Variants in CFAP92 observed in about 807,000 individuals in gnomAD.
The protein encoded by CFAP92 is cilia and flagella associated protein 92 (putative).
Under a neutral mutation model 106.3 loss-of-function variants are expected in CFAP92, and 86 were observed. The ratio of observed to expected loss-of-function variants is 0.81; its 90% CI spans 0.68 to 0.97. CFAP92 has a LOEUF of 0.97. Among genes scored for constraint, CFAP92 ranks in the 50% least tolerant of loss-of-function variants. The probability of loss-of-function intolerance (pLI) is 0.00; values close to 1 mark genes in which losing one functional copy is unlikely to be tolerated. For synonymous variants in CFAP92, 477 were observed against 506.4 expected (o/e 0.94, Z 0.78); for missense variants, 1,204 against 1,283.8 (o/e 0.94, Z 0.95).
chr3:129,026,353 T>C, the CFAP92 span, among the ~76,000 whole-genome samples: 2 of 152,190 alleles, frequency 1.3e-5, no homozygotes, highest in African/African-American at 4.8e-5. Context: ...TTAAATGATT[T>C]AGGGAATAGA....
At chr3:129,001,894 G>A (rs1444738110) in intron 1 of CFAP92, 2 of 1,538,554 alleles carry the variant, frequency 1.3e-6, no homozygotes, top group East Asian at 5.0e-5. Context: ...CTGGGGCTGC[G>A]CGCGGAGGGG....
intron 9 of CFAP92, among the ~76,000 whole-genome samples, chr3:128,949,330 C>G (rs1013623340): frequency 6.6e-6 from 1 of 152,142 alleles, no homozygotes; most frequent in African/African-American, 2.4e-5. Context: ...GATGAGTGCA[C>G]GAACAAACTG....
chr3:128,932,900 A>C lies in CFAP92; in HGVS notation c.2551T>G (p.Phe851Val). The C allele has an allele frequency of 6.5e-7, 1 of 1,536,034 alleles. No homozygotes were observed. Among genetic ancestry groups the C allele is most frequent in the Non-Finnish European group, 8.7e-7 (1 of 1,146,888 alleles). Residue 851 changes from phenylalanine to valine, a missense_variant, in exon 12 of 16, where the codon TTT (phenylalanine) becomes GTT (valine). Coordinates refer to ENST00000645291, the MANE Select transcript of CFAP92 (RefSeq NM_001394090.1). ...SAMIKDLSQE[F>V]GMPLSQEELT... ...TCTTCTTGCGAAAGGGGCATCCCAA[A>C]CTCTTGGCTCAAGTCTTTTATCATA...
At chr3:128,924,563 G>A (rs1454994506) in intron 12 of CFAP92, among the ~76,000 whole-genome samples, 1 of 142,798 alleles carries the variant, frequency 7.0e-6, no homozygotes, top group East Asian at 2.1e-4. Context: ...TCCTGCCTCA[G>A]CCTCCCAAGT....
the CFAP92 span, among the ~76,000 whole-genome samples, chr3:129,023,950 C>A: frequency 6.6e-6 from 1 of 152,282 alleles, no homozygotes; most frequent in East Asian, 1.9e-4. Flanking sequence ...AATCCAAGAG[C>A]AGGTGAATAG....
chr3:128,917,128 C>G (rs1386980284), intron 12 of CFAP92, among the ~76,000 whole-genome samples: 1 of 152,208 alleles, frequency 6.6e-6, no homozygotes, highest in Non-Finnish European at 1.5e-5. Flanking sequence ...AAAGGCAAGT[C>G]TAGGTCCTCA....
chr3:128,946,947 T>A (rs9843968), intron 9 of CFAP92, among the ~76,000 whole-genome samples: 32,545 of 152,174 alleles, frequency 0.21, 5,529 homozygotes, highest in African/African-American at 0.48. Flanking sequence ...TATTTGTAAC[T>A]GGCTTGGCAC....
In CFAP92 at chr3:128,978,157, T is replaced by A. The variant is rs376945482; in HGVS notation, c.696A>T (p.Arg232Ser). 2 of 1,613,696 alleles carry A rather than the reference T, an allele frequency of 1.2e-6. No homozygotes were observed. Among genetic ancestry groups the A allele is most frequent in the African/African-American group, 2.7e-5 (2 of 74,912 alleles). Residue 232 changes from arginine (R) to serine (S), a missense_variant, in exon 5 of 16, where the codon AGA becomes AGT. By Grantham distance (110) the Arg-to-Ser change is moderately radical. Coordinates refer to ENST00000645291, the MANE Select transcript of CFAP92 (RefSeq NM_001394090.1). ...SEVRHLVLNQRKLSEQGIENT... is the reference protein window; with the variant it reads ...SEVRHLVLNQSKLSEQGIENT... ...TCTCAATGCCCTGTTCAGATAATTT[T>A]CTCTGATTTAAAACCAAATGTCTCA... is the stretch of plus-strand genomic sequence containing the variant.
chr3:128,963,742 C>T (rs1228632246), intron 9 of CFAP92, among the ~76,000 whole-genome samples: 1 of 150,060 alleles, frequency 6.7e-6, no homozygotes, highest in Non-Finnish European at 1.5e-5. Context: ...AAGCCACTAG[C>T]CCGCCTCTCA....
chr3:129,004,614 G>C (rs1482802814), upstream of CFAP92, among the ~76,000 whole-genome samples: 1 of 151,092 alleles, frequency 6.6e-6, no homozygotes, highest in Non-Finnish European at 1.5e-5. Flanking sequence ...ATAGATTGCA[G>C]TTGAATGTGC....
chr3:128,954,571 T>G (rs1576502491), intron 9 of CFAP92, among the ~76,000 whole-genome samples: 1 of 26,680 alleles, frequency 3.7e-5, no homozygotes, highest in Admixed American at 2.9e-4. Context: ...AGGTGGGGGG[T>G]CAGCCCCCCG....
At chr3:128,919,832 C>T (rs578166742) in intron 12 of CFAP92, among the ~76,000 whole-genome samples, 1 of 152,234 alleles carries the variant, frequency 6.6e-6, no homozygotes, top group African/African-American at 2.4e-5. Flanking sequence ...GGAGGAAGGG[C>T]CCTGGTACCT....
chr3:128,974,573 C>T lies in CFAP92; in HGVS notation c.1021+1206G>A, dbSNP rs573994416. Among the ~76,000 whole-genome samples, 3 of 152,254 alleles carry T rather than the reference C, an allele frequency of 2.0e-5. No individual in the cohort carries two copies. In the East Asian group the frequency reaches 5.8e-4, roughly 29 times the overall value. On this transcript the variant is annotated intron_variant, in intron 7 of 15. Transcript: ENST00000645291. ...CAGTGGCTCACGCTTGTAATCCCAG[C>T]ACTTTGGGAGGCTGAGGCAGGCAGA...
intron 5 of CFAP92, 146 bp downstream of exon 5, chr3:128,977,899 C>A: frequency 2.3e-6 from 2 of 875,042 alleles, no homozygotes; most frequent in African/African-American, 3.4e-5. Context: ...GCAATACAGC[C>A]GTGTGGCAGG....
intron 9 of CFAP92, among the ~76,000 whole-genome samples, chr3:128,953,594 T>TCCCCCTCC (rs1559891521): frequency 9.7e-6 from 1 of 103,354 alleles, no homozygotes; most frequent in African/African-American, 5.1e-5. Context: ...CCTCTCCCTC[T>TCCCCCTCC]CCCTCCCCCT....
chr3:128,938,738 C>T (rs1456080213), intron 10 of CFAP92, among the ~76,000 whole-genome samples: 2 of 151,936 alleles, frequency 1.3e-5, no homozygotes, highest in East Asian at 1.9e-4. Context: ...GTGATCCGCC[C>T]GCCTCAGCCT....
intron 9 of CFAP92, among the ~76,000 whole-genome samples, chr3:128,953,617 CT>C (rs1941059115): frequency 8.9e-5 from 11 of 123,012 alleles, no homozygotes; most frequent in Admixed American, 3.8e-4. Flanking sequence ...CCCTCTCCCT[CT>C]CCCTCCCTCT....
At chr3:128,987,508 T>TG in intron 4 of CFAP92, 108 bp downstream of exon 4, 1 of 941,172 alleles carries the variant, frequency 1.1e-6, no homozygotes. Flanking sequence ...AAAACCCGTG[T>TG]GTGCACATGC....
intron 9 of CFAP92, among the ~76,000 whole-genome samples, chr3:128,953,862 C>G (rs1941106042): frequency 8.2e-6 from 1 of 121,562 alleles, no homozygotes; most frequent in South Asian, 2.6e-4. Context: ...CACCCTCGGC[C>G]TCCCGAGGTG....
Sources: gnomAD v4.1 joint callset for allele counts (sites outside exome capture counted in the v4.1 genomes callset) on GRCh38, gnomAD v4.1.1 for gene constraint, MANE v1.5 for transcripts, NCBI Gene and HGNC (gene_info 2026-07-23, HGNC 2026-07-21) for gene names.